EYS: variants seen among roughly 807,000 people sequenced by gnomAD.
EYS encodes EGF-like photoreceptor maintenance factor.
A neutral mutation model predicts 282.1 loss-of-function variants in EYS; 250 were observed. That is an observed-to-expected ratio of 0.89 (90% CI 0.80 to 0.98). The LOEUF is 0.98. Among genes scored for constraint, EYS ranks in the 50% least tolerant of loss-of-function variants. The probability of loss-of-function intolerance (pLI) is 0.00; values close to 1 mark genes in which losing one functional copy is unlikely to be tolerated. For synonymous variants in EYS, 1,355 were observed against 1,282.9 expected, an observed-to-expected ratio of 1.06 and a Z score of -1.20; for missense variants, 4,016 against 3,709.0, an observed-to-expected ratio of 1.08 and a Z score of -2.15.
At chr6:64,837,525 A>T (rs1765419735) in intron 19 of EYS, among the ~76,000 whole-genome samples, 1 of 150,718 alleles carries the variant, frequency 6.6e-6, no homozygotes, top group South Asian at 2.1e-4. Flanking sequence ...AAATGAAAAA[A>T]GAGTAAGTCA....
chr6:64,842,444 C>T (rs1765590419), intron 19 of EYS, among the ~76,000 whole-genome samples: 1 of 151,628 alleles, frequency 6.6e-6, no homozygotes, highest in Admixed American at 6.6e-5. Context: ...TGAAAAGATA[C>T]CCAAAATTGT....
chr6:63,787,022 T>C (rs1582206650), intron 39 of EYS: 2 of 152,152 alleles, frequency 1.3e-5, no homozygotes, highest in South Asian at 4.1e-4. Flanking sequence ...AAGAGAAGAA[T>C]GATAAAATTA....
At chr6:64,813,348 T>G in intron 22 of EYS, 30 bp downstream of exon 22, 1 of 1,505,234 alleles carries the variant, frequency 6.6e-7, no homozygotes, top group Middle Eastern at 1.7e-4. Context: ...AAATATATAT[T>G]TACTTACTTG....
chr6:64,963,170 A>C (rs1769981454), intron 14 of EYS, among the ~76,000 whole-genome samples: 1 of 152,188 alleles, frequency 6.6e-6, no homozygotes, highest in Non-Finnish European at 1.5e-5. Flanking sequence ...CCACATTCTA[A>C]AGATAGTTAC....
chr6:63,777,810 A>T (rs1033876613), intron 40 of EYS, 196 bp downstream of exon 40: 14 of 539,198 alleles, frequency 2.6e-5, no homozygotes, highest in Non-Finnish European at 4.3e-5. Flanking sequence ...CAGAACTAAG[A>T]TGGCATAAAT....
At chr6:64,040,450 A>G (rs1770336408) in intron 33 of EYS, among the ~76,000 whole-genome samples, 1 of 152,346 alleles carries the variant, frequency 6.6e-6, no homozygotes, top group Admixed American at 6.5e-5. Context: ...GAGCTTTTAA[A>G]AACTGTTCTA....
At chr6:64,884,155 A>C (rs1767010333) in intron 19 of EYS, among the ~76,000 whole-genome samples, 1 of 151,588 alleles carries the variant, frequency 6.6e-6, no homozygotes, top group African/African-American at 2.4e-5. Context: ...AGAGTCTTGA[A>C]AAATTTATAT....
chr6:64,371,461 T>C (rs1249779388), intron 29 of EYS, among the ~76,000 whole-genome samples: 1 of 152,074 alleles, frequency 6.6e-6, no homozygotes, highest in African/African-American at 2.4e-5. Flanking sequence ...GTATGTGGCA[T>C]GTGTGGATCA....
intron 2 of EYS, among the ~76,000 whole-genome samples, chr6:65,539,950 A>T (rs1055540616): frequency 2.0e-5 from 3 of 152,218 alleles, no homozygotes; most frequent in Admixed American, 1.3e-4. Context: ...CTTTGCTGCC[A>T]CTATAGCACG....
chr6:63,901,570 T>C (rs1773660237), intron 35 of EYS, among the ~76,000 whole-genome samples: 1 of 152,196 alleles, frequency 6.6e-6, no homozygotes, highest in African/African-American at 2.4e-5. Flanking sequence ...CAACTAGACA[T>C]ACAATAGTCA....
At chr6:64,509,638 T>C (rs1384808275) in intron 26 of EYS, among the ~76,000 whole-genome samples, 1 of 152,120 alleles carries the variant, frequency 6.6e-6, no homozygotes, top group African/African-American at 2.4e-5. Flanking sequence ...GTGCGGTAAT[T>C]TCCCTGTAGT....
intron 22 of EYS, among the ~76,000 whole-genome samples, chr6:64,677,296 T>C (rs1054502092): frequency 6.6e-6 from 1 of 152,146 alleles, no homozygotes; most frequent in Non-Finnish European, 1.5e-5. Context: ...ATGTTCTCTC[T>C]CTCTCTTAAT....
chr6:63,835,594 G>A (rs1771784494), intron 36 of EYS, among the ~76,000 whole-genome samples: 1 of 151,918 alleles, frequency 6.6e-6, no homozygotes, highest in Admixed American at 6.6e-5. Context: ...AGAGTGGGAG[G>A]GAGGCGAGAG....
chr6:64,114,517 CTAAA>C (rs1325873737), intron 31 of EYS, among the ~76,000 whole-genome samples: 3 of 152,106 alleles, frequency 2.0e-5, no homozygotes, highest in Admixed American at 6.5e-5. Context: ...GGCAAAAACA[CTAAA>C]TAATCGCATA....
chr6:64,727,603 T>C (rs1187787955), intron 22 of EYS, among the ~76,000 whole-genome samples: 1 of 152,208 alleles, frequency 6.6e-6, no homozygotes, highest in East Asian at 1.9e-4. Context: ...TTCTTGTGAA[T>C]GAAGATAAAA....
chr6:64,679,864 A>G (rs1390299930), intron 22 of EYS, among the ~76,000 whole-genome samples: 1 of 152,056 alleles, frequency 6.6e-6, no homozygotes, highest in Non-Finnish European at 1.5e-5. Flanking sequence ...TTATTCTACC[A>G]GAACTCTTTT....
At chr6:65,462,815 A>C (rs184026768) in intron 5 of EYS, among the ~76,000 whole-genome samples, 2 of 152,080 alleles carry the variant, frequency 1.3e-5, no homozygotes, top group Non-Finnish European at 2.9e-5. Flanking sequence ...ATGGTTCTTA[A>C]TATGTGTTGT....
chr6:64,885,190 A>G (rs1361690970), intron 19 of EYS, among the ~76,000 whole-genome samples: 1 of 151,690 alleles, frequency 6.6e-6, no homozygotes, highest in Non-Finnish European at 1.5e-5. Flanking sequence ...ATAACAATTA[A>G]TTGAGTTTTC....
intron 19 of EYS, among the ~76,000 whole-genome samples, chr6:64,875,577 G>A (rs990715805): frequency 3.3e-5 from 5 of 151,884 alleles, no homozygotes; most frequent in Non-Finnish European, 7.4e-5. Context: ...TCTATACATA[G>A]GAGCCATCCA....
Sources: gnomAD v4.1 joint callset for allele counts (sites outside exome capture counted in the v4.1 genomes callset) on GRCh38, gnomAD v4.1.1 for gene constraint, MANE v1.5 for transcripts, NCBI Gene and HGNC (gene_info 2026-07-23, HGNC 2026-07-21) for gene names.